Variants in TMEM232 observed in about 807,000 individuals in gnomAD.
TMEM232 encodes the protein transmembrane protein 232.
In TMEM232, 80 loss-of-function variants were observed where a neutral mutation model predicts 78.8. The observed-to-expected ratio is 1.01, with a 90% CI of 0.85 to 1.22. TMEM232 has a LOEUF of 1.22. Among genes scored for constraint, TMEM232 ranks in the 50% most tolerant of loss-of-function variants. The pLI, the probability that TMEM232 is intolerant of heterozygous loss-of-function variation, is 0.00. For synonymous variants in TMEM232, 297 were observed against 254.3 expected, an observed-to-expected ratio of 1.17 and a Z score of -1.60; for missense variants, 881 against 742.2, an observed-to-expected ratio of 1.19 and a Z score of -2.17.
At chr5:110,436,222 C>T (rs532105393) in intron 12 of TMEM232, among the ~76,000 whole-genome samples, 15 of 151,948 alleles carry the variant, frequency 9.9e-5, no homozygotes, top group African/African-American at 3.4e-4. Context: ...TGTTGATCAC[C>T]TTTTCATATG....
chr5:110,532,028 T>C (rs1452224772), intron 11 of TMEM232, among the ~76,000 whole-genome samples: 2 of 152,062 alleles, frequency 1.3e-5, no homozygotes, highest in African/African-American at 2.4e-5. Context: ...ACCCCAGCCA[T>C]ATCTCCAGCA....
chr5:110,712,414 T>C (rs1215114972), intron 1 of TMEM232, among the ~76,000 whole-genome samples: 2 of 151,858 alleles, frequency 1.3e-5, no homozygotes, highest in African/African-American at 4.8e-5. Context: ...AATCTAATAA[T>C]CTAATCAAAA....
chr5:110,561,237 C>T (rs1466392337), intron 11 of TMEM232, among the ~76,000 whole-genome samples: 1 of 151,926 alleles, frequency 6.6e-6, no homozygotes, highest in Non-Finnish European at 1.5e-5. Context: ...ATCAAATTGG[C>T]ACAAAAGAGT....
At chr5:110,680,698 C>CT (rs1162927430) in intron 1 of TMEM232, among the ~76,000 whole-genome samples, 10 of 151,510 alleles carry the variant, frequency 6.6e-5, no homozygotes, top group African/African-American at 1.9e-4. Context: ...CTAGATATGT[C>CT]TTTTTTTGGA....
At chr5:110,445,283 T>G (rs945777405) in intron 12 of TMEM232, among the ~76,000 whole-genome samples, 2 of 152,034 alleles carry the variant, frequency 1.3e-5, no homozygotes, top group Non-Finnish European at 2.9e-5. Flanking sequence ...TTTGTTGAGC[T>G]CTAATTAACA....
At chr5:110,390,009 C>T (rs561858253) in intron 4 of TMEM232, among the ~76,000 whole-genome samples, 11 of 152,230 alleles carry the variant, frequency 7.2e-5, no homozygotes, top group Non-Finnish European at 1.0e-4. Context: ...AACGGATCAT[C>T]CTGTGAGAGA....
At chr5:110,395,439 C>T (rs995498615) in intron 3 of TMEM232, among the ~76,000 whole-genome samples, 13 of 152,070 alleles carry the variant, frequency 8.5e-5, no homozygotes, top group Admixed American at 2.6e-4. Context: ...AAATTAAGCT[C>T]GATTCTTCTT....
intron 2 of TMEM232, among the ~76,000 whole-genome samples, chr5:110,650,866 T>C (rs934713090): frequency 5.3e-5 from 8 of 152,156 alleles, no homozygotes; most frequent in Non-Finnish European, 7.4e-5. Context: ...AAATGTATCA[T>C]ACTAATGTAG....
At chr5:110,527,214 A>C (rs1770730345) in intron 12 of TMEM232, among the ~76,000 whole-genome samples, 1 of 151,886 alleles carries the variant, frequency 6.6e-6, no homozygotes, top group Non-Finnish European at 1.5e-5. Context: ...AAGTTTTCTT[A>C]AAGTGGAGAG....
intron 1 of TMEM232, among the ~76,000 whole-genome samples, chr5:110,723,895 A>G (rs1797898344): frequency 1.3e-5 from 2 of 152,182 alleles, no homozygotes; most frequent in African/African-American, 4.8e-5. Context: ...GATAGACATA[A>G]GAATGGTGAT....
intron 8 of TMEM232, among the ~76,000 whole-genome samples, chr5:110,615,402 A>G (rs1432396272): frequency 6.6e-6 from 1 of 152,004 alleles, no homozygotes; most frequent in Non-Finnish European, 1.5e-5. Context: ...TTTTATATTC[A>G]TTGAAAAATA....
At chr5:110,493,490 A>T (rs1481197902) in intron 12 of TMEM232, among the ~76,000 whole-genome samples, 1 of 152,104 alleles carries the variant, frequency 6.6e-6, no homozygotes, top group African/African-American at 2.4e-5. Context: ...TACATTCACA[A>T]ATGGGACAAA....
At chr5:110,635,647 C>T (rs2149992383) in intron 5 of TMEM232, among the ~76,000 whole-genome samples, 1 of 152,026 alleles carries the variant, frequency 6.6e-6, no homozygotes, top group East Asian at 1.9e-4. Context: ...GATAAAAAGT[C>T]TCCAGACTAG....
chr5:110,707,064 A>T (rs1250057325), intron 1 of TMEM232, among the ~76,000 whole-genome samples: 1 of 152,200 alleles, frequency 6.6e-6, no homozygotes, highest in Non-Finnish European at 1.5e-5. Context: ...GGAATATCCA[A>T]ATAAAATTGT....
chr5:110,475,216 AG>A (rs1763117592), intron 12 of TMEM232, among the ~76,000 whole-genome samples: 1 of 151,952 alleles, frequency 6.6e-6, no homozygotes, highest in South Asian at 2.1e-4. Context: ...TTATGACAAA[AG>A]TGATCCTGCA....
intron 8 of TMEM232, among the ~76,000 whole-genome samples, chr5:110,618,180 G>T (rs1267373591): frequency 6.7e-6 from 1 of 150,362 alleles, no homozygotes; most frequent in East Asian, 2.0e-4. Flanking sequence ...ATAAAAAACT[G>T]CATTTAATAA....
intron 1 of TMEM232, among the ~76,000 whole-genome samples, chr5:110,726,098 CCTCT>C (rs1157780393): frequency 1.5e-4 from 20 of 131,484 alleles, no homozygotes; most frequent in African/African-American, 6.6e-4. Context: ...AATATACCCC[CCTCT>C]CTCTTTCACA....
chr5:110,731,126 G>A (rs1160745248), upstream of TMEM232, among the ~76,000 whole-genome samples: 1 of 152,188 alleles, frequency 6.6e-6, no homozygotes, highest in African/African-American at 2.4e-5. Context: ...AAATCCACTG[G>A]GGCAGTCAAA....
intron 2 of TMEM232, among the ~76,000 whole-genome samples, chr5:110,401,374 T>C (rs1219518946): frequency 1.3e-5 from 2 of 151,914 alleles, no homozygotes; most frequent in Non-Finnish European, 2.9e-5. Context: ...CGTTTCTACA[T>C]ATAAGAGGTG....
Sources: gnomAD v4.1 joint callset for allele counts (sites outside exome capture counted in the v4.1 genomes callset) on GRCh38, gnomAD v4.1.1 for gene constraint, MANE v1.5 for transcripts, NCBI Gene and HGNC (gene_info 2026-07-23, HGNC 2026-07-21) for gene names.